KLF12: variants seen among roughly 807,000 people sequenced by gnomAD.
KLF12 encodes Krueppel-like factor 12.
In KLF12, 9 loss-of-function variants were observed where a neutral mutation model predicts 37.8. The observed-to-expected ratio is 0.24, with a 90% CI of 0.14 to 0.42. The LOEUF (loss-of-function observed/expected upper bound fraction) is 0.42, where lower values mean the gene tolerates loss of function less well. Among genes scored for constraint, KLF12 ranks in the 10% least tolerant of loss-of-function variants. The pLI, the probability that KLF12 is intolerant of heterozygous loss-of-function variation, is 1.00. For synonymous variants in KLF12, 208 were observed against 202.1 expected (o/e 1.03, Z -0.25); for missense variants, 411 against 516.0 (o/e 0.80, Z 1.97).
the KLF12 span, among the ~76,000 whole-genome samples, chr13:74,152,288 A>G: frequency 6.6e-6 from 1 of 152,230 alleles, no homozygotes; most frequent in East Asian, 1.9e-4. Flanking sequence ...ATTCTGGTAC[A>G]CATAATTCTT....
chr13:73,712,938 A>G (rs1306027799), intron 7 of KLF12, among the ~76,000 whole-genome samples: 2 of 152,224 alleles, frequency 1.3e-5, no homozygotes, highest in Admixed American at 6.5e-5. Flanking sequence ...AAATTGTGTG[A>G]CTTCCTTTCT....
chr13:73,987,460 ACT>A (rs1891853076), intron 2 of KLF12, among the ~76,000 whole-genome samples: 1 of 152,014 alleles, frequency 6.6e-6, no homozygotes, highest in Admixed American at 6.6e-5. Flanking sequence ...TTTTATGATC[ACT>A]CTTGAAAATT....
intron 3 of KLF12, among the ~76,000 whole-genome samples, chr13:73,938,521 C>A (rs932097311): frequency 1.3e-5 from 2 of 152,214 alleles, no homozygotes; most frequent in Admixed American, 6.5e-5. Context: ...ACAAATAGCA[C>A]ATGAATGAAT....
chr13:74,293,323 C>T, the KLF12 span, among the ~76,000 whole-genome samples: 1 of 152,022 alleles, frequency 6.6e-6, no homozygotes, highest in Non-Finnish European at 1.5e-5. Context: ...CTATTTTTTC[C>T]CCCTTCAAAC....
intron 1 of KLF12, among the ~76,000 whole-genome samples, chr13:74,023,528 C>T (rs1162953390): frequency 6.6e-6 from 1 of 152,170 alleles, no homozygotes; most frequent in Non-Finnish European, 1.5e-5. Flanking sequence ...TGTTCCATGC[C>T]TTTCTCTGAG....
the KLF12 span, among the ~76,000 whole-genome samples, chr13:74,288,392 C>G: frequency 1.3e-5 from 2 of 152,088 alleles, no homozygotes; most frequent in African/African-American, 2.4e-5. Flanking sequence ...GGCAGACAAG[C>G]GAGGTAACGG....
At chr13:73,841,513 C>T (rs961201817) in intron 4 of KLF12, among the ~76,000 whole-genome samples, 3 of 152,136 alleles carry the variant, frequency 2.0e-5, no homozygotes, top group African/African-American at 7.2e-5. Context: ...GCGGGTTGGG[C>T]AAGCTTGCTC....
chr13:74,137,984 C>T (rs567139135), upstream of KLF12, among the ~76,000 whole-genome samples: 4 of 152,332 alleles, frequency 2.6e-5, no homozygotes, highest in African/African-American at 9.6e-5. Flanking sequence ...TGGTCTTGAA[C>T]TCCCGACCTC....
At chr13:74,241,397 G>A in the KLF12 span, among the ~76,000 whole-genome samples, 2 of 152,132 alleles carry the variant, frequency 1.3e-5, no homozygotes, top group African/African-American at 2.4e-5. Context: ...CTGTCTTTTT[G>A]TTTGTCTGTG....
chr13:74,093,768 A>G (rs1273570565), intron 1 of KLF12, among the ~76,000 whole-genome samples: 1 of 151,532 alleles, frequency 6.6e-6, no homozygotes, highest in Non-Finnish European at 1.5e-5. Context: ...AACACATTAA[A>G]CCTCAGATCA....
At chr13:73,805,487 C>T (rs1427066309) in intron 5 of KLF12, among the ~76,000 whole-genome samples, 3 of 151,610 alleles carry the variant, frequency 2.0e-5, no homozygotes, top group Admixed American at 2.0e-4. Flanking sequence ...CCTCACGGCA[C>T]ACACTTGTAG....
chr13:74,002,156 T>C (rs1892296914), intron 1 of KLF12, among the ~76,000 whole-genome samples: 1 of 152,198 alleles, frequency 6.6e-6, no homozygotes, highest in African/African-American at 2.4e-5. Flanking sequence ...CAACCCAAGT[T>C]TGTGTATTTA....
At chr13:74,288,404 G>T in the KLF12 span, among the ~76,000 whole-genome samples, 1 of 152,192 alleles carries the variant, frequency 6.6e-6, no homozygotes, top group Non-Finnish European at 1.5e-5. Flanking sequence ...AGGTAACGGG[G>T]TAAAACAGCA....
rs1401964191 is a variant in KLF12, at chr13:73,764,960, T to C, written c.847A>G (p.Met283Val). Residue 283 changes from methionine (M) to valine (V), a missense_variant, in exon 6 of 8, where the codon ATG becomes GTG. This residue lies in a region of KLF12 where 351 missense variants were observed against 397.8 expected (regional missense o/e 0.88). Transcript: ENST00000377669. ...CACCAAGGAAACTTTTGATTATTCA[T>C]TCGATTGCCCCGGACCCTTGATACT... is the stretch of plus-strand genomic sequence containing the variant. 3 of 1,575,056 alleles carry C rather than the reference T, an allele frequency of 1.9e-6. No homozygotes were observed. Among genetic ancestry groups the C allele is most frequent in the South Asian group, 1.1e-5 (1 of 89,944 alleles).
chr13:73,974,408 A>C (rs1048257296), intron 2 of KLF12, among the ~76,000 whole-genome samples: 1 of 152,176 alleles, frequency 6.6e-6, no homozygotes, highest in Admixed American at 6.5e-5. Context: ...TCCATTAGGA[A>C]CACTCAATGC....
intron 5 of KLF12, among the ~76,000 whole-genome samples, chr13:73,778,747 C>A (rs1880782077): frequency 6.6e-6 from 1 of 152,100 alleles, no homozygotes; most frequent in South Asian, 2.1e-4. Context: ...ACGAGAAACG[C>A]AAGCTTAGAG....
chr13:73,969,128 A>C (rs1186160655), intron 2 of KLF12, among the ~76,000 whole-genome samples: 3 of 152,134 alleles, frequency 2.0e-5, no homozygotes, highest in Non-Finnish European at 4.4e-5. Context: ...TGGGTGCTGC[A>C]TCAGGAGGGA....
chr13:74,125,717 C>T (rs1877903123), intron 1 of KLF12, among the ~76,000 whole-genome samples: 1 of 152,130 alleles, frequency 6.6e-6, no homozygotes, highest in African/African-American at 2.4e-5. Context: ...TATCAGCAAA[C>T]AATTGACTTC....
intron 3 of KLF12, among the ~76,000 whole-genome samples, chr13:73,852,901 G>C (rs1012955781): frequency 3.5e-4 from 41 of 118,808 alleles, no homozygotes; most frequent in Non-Finnish European, 3.2e-4. Flanking sequence ...ACGGAGTCTT[G>C]GTCTGTCGCC....
Sources: gnomAD v4.1 joint callset for allele counts (sites outside exome capture counted in the v4.1 genomes callset) on GRCh38, gnomAD v4.1.1 for gene constraint, gnomAD v4.1.1 regional missense constraint, MANE v1.5 for transcripts, NCBI Gene and HGNC (gene_info 2026-07-23, HGNC 2026-07-21) for gene names.